CD9: variants seen among roughly 807,000 people sequenced by gnomAD.
The protein encoded by CD9 is CD9 molecule.
A neutral mutation model predicts 31.4 loss-of-function variants in CD9; 10 were observed. The ratio of observed to expected loss-of-function variants is 0.32; its 90% CI spans 0.20 to 0.54. The LOEUF (loss-of-function observed/expected upper bound fraction) is 0.54, where lower values mean the gene tolerates loss of function less well. CD9 is among the 20% of genes least tolerant of loss of function. The pLI is 0.94. For missense variants in CD9, 259 were observed against 300.1 expected (o/e 0.86, Z 1.01); for synonymous variants, 113 against 114.1 (o/e 0.99, Z 0.06).
chr12:6,213,058 A>T (rs1207870828), intron 1 of CD9, among the ~76,000 whole-genome samples: 2 of 152,204 alleles, frequency 1.3e-5, no homozygotes, highest in Non-Finnish European at 2.9e-5. Context: ...TAATGAAGGT[A>T]ATAACACAAC....
At chr12:6,225,669 C>T in intron 2 of CD9, 135 bp downstream of exon 2, 3 of 612,606 alleles carry the variant, frequency 4.9e-6, no homozygotes, top group East Asian at 5.5e-5. Context: ...CCAGTCGTGT[C>T]CCTTTCAAGT....
chr12:6,227,685 G>A (rs1346695011), intron 2 of CD9, among the ~76,000 whole-genome samples: 3 of 152,208 alleles, frequency 2.0e-5, no homozygotes, highest in Non-Finnish European at 4.4e-5. Context: ...GGCAGGGCCA[G>A]GTTTTGAACC....
intron 2 of CD9, among the ~76,000 whole-genome samples, chr12:6,231,903 G>A (rs1431902953): frequency 6.6e-6 from 1 of 152,170 alleles, no homozygotes; most frequent in Non-Finnish European, 1.5e-5. Context: ...TAAGGAAATT[G>A]AGGCCCAGAG....
chr12:6,214,773 G>A (rs1446675238), intron 1 of CD9, among the ~76,000 whole-genome samples: 4 of 152,152 alleles, frequency 2.6e-5, no homozygotes, highest in Non-Finnish European at 1.5e-5. Flanking sequence ...CAGGGGGGAG[G>A]TTCTTACCAG....
chr12:6,216,182 C>T (rs1450375792), intron 1 of CD9, among the ~76,000 whole-genome samples: 1 of 152,210 alleles, frequency 6.6e-6, no homozygotes, highest in Non-Finnish European at 1.5e-5. Flanking sequence ...AGGCCCAGAG[C>T]CCACAGGTCT....
In CD9 at chr12:6,235,558, C is replaced by T. The variant is rs757001060; in HGVS notation, c.530C>T (p.Thr177Ile). ...CPKKDVLETF[T>I]VKSCPDAIKE... is the part of the protein sequence containing the mutation. Reference sequence around the variant, plus strand: ...AAGAAGGACGTACTCGAAACCTTCACCGTGAAGGTAAACTCAGACCAGGAT... The same window carrying T: ...AAGAAGGACGTACTCGAAACCTTCATCGTGAAGGTAAACTCAGACCAGGAT... Residue 177 changes from threonine to isoleucine, a missense_variant, in exon 6 of 8, where the codon ACC becomes ATC. Coordinates refer to ENST00000009180, the MANE Select transcript of CD9 (RefSeq NM_001769.4). The T allele has an allele frequency of 5.0e-6, 8 of 1,611,738 alleles. No individual in the cohort carries two copies. The highest frequency in any genetic ancestry group is 6.8e-6 in the Non-Finnish European group (8 of 1,178,364).
intron 1 of CD9, among the ~76,000 whole-genome samples, chr12:6,221,745 G>A (rs1453651259): frequency 6.7e-6 from 1 of 150,326 alleles, no homozygotes; most frequent in Non-Finnish European, 1.5e-5. Flanking sequence ...GGAGGCTGAG[G>A]CAGGAGGATT....
chr12:6,233,408 C>T lies in CD9; in HGVS notation c.274-4C>T, dbSNP rs756598822. 1 of 1,613,324 alleles carries T rather than the reference C, an allele frequency of 6.2e-7. No individual in the cohort carries two copies. Among genetic ancestry groups the T allele is most frequent in the South Asian group, 1.1e-5 (1 of 91,068 alleles). ...TCTCACCCCGTCCCCTCGTTGCCTTCCAGTTCTTCGGCTTCCTCTTGGTGA... is the reference window on the plus strand; with the variant it reads ...TCTCACCCCGTCCCCTCGTTGCCTTTCAGTTCTTCGGCTTCCTCTTGGTGA... On this transcript the variant is annotated splice_polypyrimidine_tract_variant and splice_region_variant and intron_variant, in intron 3 of 7. Transcript: ENST00000009180.
chr12:6,208,743 T>C (rs1946160789), intron 1 of CD9, among the ~76,000 whole-genome samples: 1 of 151,916 alleles, frequency 6.6e-6, no homozygotes, highest in African/African-American at 2.4e-5. Flanking sequence ...GGCTAATTTT[T>C]AGTAGAGACG....
chr12:6,236,143 C>A, intron 6 of CD9, 49 bp from the exon 7 acceptor site: 1 of 1,609,076 alleles, frequency 6.2e-7, no homozygotes, highest in South Asian at 1.1e-5. Flanking sequence ...AGGAGGTGCC[C>A]TGGGAGGAAG....
chr12:6,236,138 G>A (rs1282188115), intron 6 of CD9, 54 bp from the exon 7 acceptor site: 86 of 1,606,494 alleles, frequency 5.4e-5, no homozygotes, highest in Non-Finnish European at 6.6e-5. Flanking sequence ...GAGGGAGGAG[G>A]TGCCCTGGGA....
Position 6,238,106 on chromosome 12 carries a change from C to T in CD9, c.*278C>T, listed in dbSNP as rs1946543756. Reference sequence around the variant, plus strand: ...CTTGTTATATTAAGCAGAAATCCTGCAATGAAAGGTACTATATTTGCTAGA... The same window carrying T: ...CTTGTTATATTAAGCAGAAATCCTGTAATGAAAGGTACTATATTTGCTAGA... On this transcript the variant is annotated 3_prime_UTR_variant, in exon 8 of 8. Transcript: ENST00000009180. 2 of 326,706 alleles carry T rather than the reference C, an allele frequency of 6.1e-6. No homozygotes were observed. Among genetic ancestry groups the T allele is most frequent in the Admixed American group, 4.8e-5 (1 of 20,998 alleles). The allele number at this position is 326,706 out of a possible 1,614,324, so 20.2% of individuals were successfully genotyped here.
chr12:6,236,957 T>C (rs1946530664), intron 7 of CD9, among the ~76,000 whole-genome samples: 1 of 152,260 alleles, frequency 6.6e-6, no homozygotes, highest in African/African-American at 2.4e-5. Context: ...CAGCAAAATA[T>C]ACGACAATAC....
chr12:6,225,458 A>ATGGCTCCGATTCGACTC lies in CD9; in HGVS notation c.101_117dup (p.Gln40GlyfsTer30), dbSNP rs1946352321. On this transcript the variant is annotated frameshift_variant, in exon 2 of 8. Transcript: ENST00000009180. LOFTEE classifies it high-confidence loss of function. ...GGATTGCTGTCCTTGCCATTGGACTATGGCTCCGATTCGACTCTCAGACCA... is the reference window on the plus strand; with the variant it reads ...GGATTGCTGTCCTTGCCATTGGACTATGGCTCCGATTCGACTCTGGCTCCGATTCGACTCTCAGACCA... 1 of 1,613,686 alleles carries ATGGCTCCGATTCGACTC rather than the reference A, an allele frequency of 6.2e-7. No homozygotes were observed. The highest frequency in any genetic ancestry group is 8.5e-7 in the Non-Finnish European group (1 of 1,179,712).
At chr12:6,202,717 A>G (rs1023265443) in intron 1 of CD9, among the ~76,000 whole-genome samples, 2 of 152,202 alleles carry the variant, frequency 1.3e-5, no homozygotes, top group African/African-American at 4.8e-5. Flanking sequence ...GCCCCAGCCT[A>G]GGTGCAGCTG....
chr12:6,227,884 CA>C (rs1261896254), intron 2 of CD9, among the ~76,000 whole-genome samples: 1 of 152,212 alleles, frequency 6.6e-6, no homozygotes, highest in Non-Finnish European at 1.5e-5. Flanking sequence ...GCCCAGCCAG[CA>C]GCTGACAGGT....
rs866718021 is a variant in CD9, at chr12:6,214,407, C to T, written c.67-11019C>T. ...TGTCACCCAGGCTGGAGTGCAGTGG[C>T]GCAGTGTCAACTCACTGCAGCCTTG... On this transcript the variant is annotated intron_variant, in intron 1 of 7. Transcript: ENST00000009180. 2.0e-4 allele frequency among the ~76,000 whole-genome samples: 25 copies of T among 124,262 alleles called. No individual in the cohort carries two copies. The South Asian group carries it at 3.2e-3, about 16-fold the overall frequency. The allele number at this position is 124,262 out of a possible 152,430, so 81.5% of individuals were successfully genotyped here.
chr12:6,205,343 C>CA (rs1247294573), intron 1 of CD9, among the ~76,000 whole-genome samples: 1 of 152,226 alleles, frequency 6.6e-6, no homozygotes, highest in Non-Finnish European at 1.5e-5. Flanking sequence ...CGCTCACACT[C>CA]ACGTTCTCTA....
chr12:6,235,758 A>AC (rs1946512106), intron 6 of CD9, 193 bp downstream of exon 6: 1 of 1,405,922 alleles, frequency 7.1e-7, no homozygotes, highest in Non-Finnish European at 9.2e-7. Flanking sequence ...CAAAGGCCGG[A>AC]CCAGGGGAAT....
Sources: gnomAD v4.1 joint callset for allele counts (sites outside exome capture counted in the v4.1 genomes callset) on GRCh38, gnomAD v4.1.1 for gene constraint, MANE v1.5 for transcripts, NCBI Gene and HGNC (gene_info 2026-07-23, HGNC 2026-07-21) for gene names.